MAGEA11: variants seen among roughly 807,000 people sequenced by gnomAD.
MAGEA11 encodes melanoma-associated antigen 11.
In MAGEA11, 1 loss-of-function variant was observed where a neutral mutation model predicts 8.4. The ratio of observed to expected loss-of-function variants is 0.12; its 90% CI spans 0.04 to 0.57. The LOEUF (loss-of-function observed/expected upper bound fraction) is 0.57. Ranked by LOEUF, MAGEA11 falls within the 20% of genes least tolerant of loss-of-function variation. The pLI, the probability that MAGEA11 is intolerant of heterozygous loss-of-function variation, is 0.91. For missense variants in MAGEA11, 209 were observed against 317.3 expected, an observed-to-expected ratio of 0.66 and a Z score of 2.59; for synonymous variants, 127 against 119.3, an observed-to-expected ratio of 1.06 and a Z score of -0.42.
chrX:149,714,377 T>C (rs1370950837), intron 2 of MAGEA11, 104 bp from the exon 3 acceptor site: 2 of 1,087,921 alleles, frequency 1.8e-6, no homozygotes, highest in East Asian at 6.5e-5. Context: ...GACTTTGGAA[T>C]CCCCAGAACC....
At chrX:149,709,422 C>T (rs782801818), upstream of MAGEA11, among the ~76,000 whole-genome samples, 1 of 112,020 alleles carries the variant, frequency 8.9e-6, no homozygotes, top group African/African-American at 3.2e-5. Context: ...GCCAGTTTTA[C>T]CAAATAATTA....
chrX:149,709,828 A>C (rs914182419), upstream of MAGEA11, among the ~76,000 whole-genome samples: 7 of 111,960 alleles, frequency 6.3e-5, no homozygotes, highest in African/African-American at 2.3e-4. Context: ...AGTAGAAGGA[A>C]ATTTTGTTTC....
intron 1 of MAGEA11, among the ~76,000 whole-genome samples, chrX:149,704,506 G>T (rs782251548): frequency 8.9e-6 from 1 of 112,461 alleles, no homozygotes; most frequent in African/African-American, 3.2e-5. Context: ...AAGATAAAAT[G>T]CATTACACAC....
chrX:149,716,404 G>A lies in MAGEA11; in HGVS notation c.918G>A (p.Glu306=). 8.3e-7 allele frequency: 1 copy of A among 1,211,719 alleles called. No individual in the cohort carries two copies. Among genetic ancestry groups the A allele is most frequent in the South Asian group, 1.8e-5 (1 of 56,958 alleles). ...CTTATGATGGCATACAGTGTAATGA[G>A]CAGAGCATGCCCAAGTCTGGCCTCC... ...NLSYDGIQCN[E]QSMPKSGLLI... Residue 306 remains glutamate (E), a synonymous_variant, in exon 5 of 5, where the codon GAG becomes GAA. Transcript: ENST00000355220.
intron 1 of MAGEA11, among the ~76,000 whole-genome samples, chrX:149,704,063 C>T (rs2090365498): frequency 8.9e-6 from 1 of 112,343 alleles, no homozygotes; most frequent in South Asian, 3.7e-4. Flanking sequence ...GGAGTGCCAG[C>T]CATCTTCCAC....
intron 3 of MAGEA11, among the ~76,000 whole-genome samples, chrX:149,714,841 G>T (rs1446519775): frequency 8.9e-6 from 1 of 111,734 alleles, no homozygotes; most frequent in Non-Finnish European, 1.9e-5. Flanking sequence ...AAAAACATGG[G>T]ACTCAGCCCT....
intron 1 of MAGEA11, among the ~76,000 whole-genome samples, chrX:149,706,915 C>T (rs1557361528): frequency 9.8e-5 from 11 of 112,579 alleles, no homozygotes; most frequent in Non-Finnish European, 1.9e-4. Context: ...AGAAACAGGG[C>T]ATCAGGGAAA....
chrX:149,713,206 G>A lies in MAGEA11; in HGVS notation c.47G>A (p.Ser16Asn), dbSNP rs782214984. ...RRGGLGCSPA[S>N]IKRKKKREDS... ...GGGGGTCTGGGGTGCAGCCCTGCCA[G>A]CATCAAGAGGAAGAAGAAGAGGGAG... is the stretch of plus-strand genomic sequence containing the variant. Residue 16 changes from serine (S) to asparagine (N), a missense_variant, in exon 2 of 5, where the codon AGC becomes AAC. Ser to Asn is a conservative substitution (Grantham distance 46). This residue lies in a region of MAGEA11 where 131 missense variants were observed against 138.5 expected (regional missense o/e 0.95). Coordinates refer to ENST00000355220, the MANE Select transcript of MAGEA11 (RefSeq NM_005366.5). 1 of 1,207,538 alleles carries A rather than the reference G, an allele frequency of 8.3e-7. No individual in the cohort carries two copies. Among genetic ancestry groups the A allele is most frequent in the South Asian group, 1.8e-5 (1 of 56,301 alleles).
chrX:149,710,456 T>C (rs971170609), upstream of MAGEA11, among the ~76,000 whole-genome samples: 1 of 111,160 alleles, frequency 9.0e-6, no homozygotes, highest in African/African-American at 3.3e-5. Context: ...TTGGTTTGGT[T>C]TTGTTTTTTT....
rs2090425978 is a variant in MAGEA11 at position 149,716,158 on chromosome X, C to G, written c.672C>G (p.Asp224Glu). Residue 224 changes from aspartate to glutamate, a missense_variant, in exon 5 of 5, where the codon GAC becomes GAG. By Grantham distance (45) the Asp-to-Glu change is conservative. This residue lies in a region of MAGEA11 where 78 missense variants were observed against 178.8 expected (regional missense o/e 0.44). Coordinates refer to ENST00000355220, the MANE Select transcript of MAGEA11 (RefSeq NM_005366.5). The part of the protein sequence containing the change: ...PESFSQDILH[D>E]KIIDLVHLLL... The stretch of plus-strand genomic sequence containing the variant: ...CCTTTTCCCAAGATATACTACATGA[C>G]AAGATAATTGATTTGGTTCATTTAT... 1 of 1,210,498 alleles carries G rather than the reference C, an allele frequency of 8.3e-7. No individual in the cohort carries two copies. The highest frequency in any genetic ancestry group is 1.1e-6 in the Non-Finnish European group (1 of 895,309).
At chrX:149,703,292 C>G (rs2090361797) in intron 1 of MAGEA11, among the ~76,000 whole-genome samples, 1 of 112,408 alleles carries the variant, frequency 8.9e-6, no homozygotes, top group South Asian at 3.7e-4. Flanking sequence ...TTTCAAAATA[C>G]AAAAACATTT....
At chrX:149,703,694 G>A (rs1314727326) in intron 1 of MAGEA11, among the ~76,000 whole-genome samples, 1 of 112,108 alleles carries the variant, frequency 8.9e-6, no homozygotes, top group African/African-American at 3.2e-5. Flanking sequence ...GATTTTCAAG[G>A]GGAAAAGAAA....
At chrX:149,715,103 G>T (rs955600771) in intron 3 of MAGEA11, among the ~76,000 whole-genome samples, 6 of 111,490 alleles carry the variant, frequency 5.4e-5, no homozygotes, top group Admixed American at 4.7e-4. Context: ...CTGTGTACAT[G>T]TGGCCAGATG....
At chrX:149,703,810 C>G (rs1557361198) in intron 1 of MAGEA11, among the ~76,000 whole-genome samples, 1 of 111,908 alleles carries the variant, frequency 8.9e-6, no homozygotes, top group Non-Finnish European at 1.9e-5. Context: ...ATAATAGCCA[C>G]TTATTAATGA....
At chrX:149,698,265 A>G (rs916033141) in intron 1 of MAGEA11, among the ~76,000 whole-genome samples, 20 of 111,283 alleles carry the variant, frequency 1.8e-4, no homozygotes, top group East Asian at 8.5e-4. Context: ...ATTAAGTATG[A>G]TGTTAACTGT....
At position 149,693,588 on chromosome X, in the gene MAGEA11, C is replaced by T. The variant is rs782518151; in HGVS notation, c.9+4604C>T. 8.0e-5 allele frequency among the ~76,000 whole-genome samples: 9 copies of T among 111,855 alleles called. No individual in the cohort carries two copies. The South Asian group carries it at 3.4e-3, about 42-fold the overall frequency. On this transcript the variant is annotated intron_variant, in intron 1 of 3. Coordinates refer to the MAGEA11 transcript ENST00000333104. ...TTCTTTTTTAAAAAAATACATGTAC[C>T]ATAAATTTACCACTTCAAAAGTATG...
intron 1 of MAGEA11, among the ~76,000 whole-genome samples, chrX:149,712,814 T>TG (rs781816700): frequency 3.5e-3 from 390 of 110,418 alleles, no homozygotes; most frequent in African/African-American, 9.0e-3. Context: ...CAGGGCTGGT[T>TG]GGGGGGGGCA....
At chrX:149,696,889 T>C (rs1463565819) in intron 1 of MAGEA11, among the ~76,000 whole-genome samples, 1 of 112,126 alleles carries the variant, frequency 8.9e-6, no homozygotes, top group Non-Finnish European at 1.9e-5. Flanking sequence ...CCTACTGCTG[T>C]ACCTTCCATC....
Position 149,715,841 on chromosome X carries a change from C to A in MAGEA11, c.355C>A (p.His119Asn). Residue 119 changes from histidine to asparagine, a missense_variant, in exon 5 of 5, where the codon CAC becomes AAC. His to Asn is a moderately conservative substitution (Grantham distance 68). Around this residue, in one of 2 missense-constraint regions of MAGEA11, gnomAD observed 131 missense variants for 138.5 expected, o/e 0.95. Coordinates refer to ENST00000355220, the MANE Select transcript of MAGEA11 (RefSeq NM_005366.5). ...CATGCCTCTTGAGCAAAGAAGTCAG[C>A]ACTGCAAGCCTGAGGAAGGCCTTCA... The part of the protein sequence containing the change: ...VIMPLEQRSQ[H>N]CKPEEGLQAQ... 8.3e-7 allele frequency: 1 copy of A among 1,210,602 alleles called. No individual in the cohort carries two copies. Among genetic ancestry groups the A allele is most frequent in the South Asian group, 1.8e-5 (1 of 56,790 alleles).
Sources: gnomAD v4.1 joint callset for allele counts (sites outside exome capture counted in the v4.1 genomes callset) on GRCh38, gnomAD v4.1.1 for gene constraint, gnomAD v4.1.1 regional missense constraint, MANE v1.5 for transcripts, NCBI Gene and HGNC (gene_info 2026-07-23, HGNC 2026-07-21) for gene names.